The following RTN4RL1 variants were observed in gnomAD, a reference collection of about 807,000 sequenced individuals.
RTN4RL1 encodes reticulon 4 receptor like 1.
A neutral mutation model predicts 25.6 loss-of-function variants in RTN4RL1; 7 were observed. The ratio of observed to expected loss-of-function variants is 0.27; its 90% confidence interval spans 0.16 to 0.51. RTN4RL1 has a LOEUF of 0.51. Among genes scored for constraint, RTN4RL1 ranks in the 20% least tolerant of loss-of-function variants. The pLI, the probability that RTN4RL1 is intolerant of heterozygous loss-of-function variation, is 0.97. For missense variants in RTN4RL1, 500 were observed against 615.6 expected, an observed-to-expected ratio of 0.81 and a Z score of 1.99; for synonymous variants, 297 against 288.2, an observed-to-expected ratio of 1.03 and a Z score of -0.31.
chr17:1,983,707 T>C (rs767005226), intron 1 of RTN4RL1, among the ~76,000 whole-genome samples: 1 of 150,150 alleles, frequency 6.7e-6, no homozygotes, highest in Non-Finnish European at 1.5e-5. Flanking sequence ...CTGGCTAACA[T>C]TTTCTATTTT....
chr17:1,937,447 C>T lies in RTN4RL1; in HGVS notation c.375G>A (p.Val125=). 6.2e-7 allele frequency: 1 copy of T among 1,613,930 alleles called. No homozygotes were observed. The highest frequency in any genetic ancestry group is 1.3e-5 in the African/African-American group (1 of 75,048). The change falls in exon 2 of 2, where the codon GTG becomes GTA. Residue 125 remains valine, a synonymous_variant. Coordinates refer to ENST00000331238, the MANE Select transcript of RTN4RL1 (RefSeq NM_178568.4). ...TLAPETFQGL[V]KLHALYLYKC... ...TGTAGAGGTAGAGGGCGTGAAGCTT[C>T]ACCAGGCCCTGGAAGGTCTCGGGTG... is the stretch of plus-strand genomic sequence containing the variant.
chr17:1,992,565 G>C (rs2066914150), intron 1 of RTN4RL1, among the ~76,000 whole-genome samples: 1 of 152,142 alleles, frequency 6.6e-6, no homozygotes, highest in South Asian at 2.1e-4. Context: ...GACCTATTGT[G>C]GGTATTATTA....
chr17:1,986,860 T>C (rs1386172185), intron 1 of RTN4RL1, among the ~76,000 whole-genome samples: 1 of 151,904 alleles, frequency 6.6e-6, no homozygotes, highest in East Asian at 1.9e-4. Context: ...GCCCACCACA[T>C]GACACAATGC....
chr17:1,991,968 C>T (rs1038859646), intron 1 of RTN4RL1, among the ~76,000 whole-genome samples: 5 of 152,104 alleles, frequency 3.3e-5, no homozygotes, highest in South Asian at 2.1e-4. Flanking sequence ...AGAGGAGAGA[C>T]GTGTACTGAG....
At chr17:2,013,105 A>G (rs1019103675) in intron 1 of RTN4RL1, among the ~76,000 whole-genome samples, 3 of 151,962 alleles carry the variant, frequency 2.0e-5, no homozygotes, top group African/African-American at 7.3e-5. Context: ...GCTATGTTCT[A>G]TTTTGTGCAG....
intron 1 of RTN4RL1, chr17:1,995,524 T>C (rs2066925662): frequency 6.6e-6 from 1 of 151,226 alleles, no homozygotes; most frequent in African/African-American, 2.4e-5. Flanking sequence ...CTTTGCTCAC[T>C]CTCCTCGTCC....
intron 1 of RTN4RL1, among the ~76,000 whole-genome samples, chr17:1,938,668 A>G (rs116211376): frequency 0.033 from 4,970 of 152,138 alleles, 295 homozygotes; most frequent in African/African-American, 0.11. Flanking sequence ...GTTCACCTCA[A>G]ATAATGTCTC....
chr17:2,005,837 C>T (rs1251869701), intron 1 of RTN4RL1, among the ~76,000 whole-genome samples: 1 of 150,654 alleles, frequency 6.6e-6, no homozygotes, highest in African/African-American at 2.4e-5. Flanking sequence ...CGCCGTGTCG[C>T]CCAGGCTGGA....
intron 1 of RTN4RL1, among the ~76,000 whole-genome samples, chr17:1,973,517 CAAA>C (rs34258472): frequency 1.5e-5 from 2 of 134,998 alleles, no homozygotes. Context: ...GACTCCATGT[CAAA>C]AAAAAAAAAA....
In RTN4RL1 at chr17:2,025,140, G is replaced by T. The variant is rs1464054233; in HGVS notation, c.-275C>A. 4 of 319,184 alleles carry T rather than the reference G, an allele frequency of 1.3e-5. No homozygotes were observed. The highest frequency in any genetic ancestry group is 5.0e-5 in the Admixed American group (1 of 20,082). The allele number at this position is 319,184 out of a possible 1,614,324, so 19.8% of individuals were successfully genotyped here. A position where few individuals can be genotyped will look rare whatever the true frequency, so the allele number is the denominator to read the frequency against. ...GCGAGCGGCTTGCTCCGCGGAGCCG[G>T]CGGCCTGCTTCTGCCACCCGGAGCA... On this transcript the variant is annotated 5_prime_UTR_variant, in exon 1 of 2. Transcript: ENST00000331238. The surrounding 1 kb of genome is among the most constrained non-coding windows in gnomAD (Gnocchi z 4.8).
chr17:1,986,821 C>T (rs1267095142), intron 1 of RTN4RL1, among the ~76,000 whole-genome samples: 2 of 152,052 alleles, frequency 1.3e-5, no homozygotes, highest in Admixed American at 6.6e-5. Context: ...CAGACTCAGG[C>T]CCTGCCCCCC....
rs1487667093 is a variant in RTN4RL1, at chr17:1,934,713, T to TC, written c.*1782dup. Reference sequence around the variant, plus strand: ...GATCATTTATTGTTATTATTATTTTTCTCTCTTAATTGGATTCAGCGTTTC... The same window carrying TC: ...GATCATTTATTGTTATTATTATTTTTCCTCTCTTAATTGGATTCAGCGTTTC... On this transcript the variant is annotated 3_prime_UTR_variant, in exon 2 of 2. Coordinates refer to ENST00000331238, the MANE Select transcript of RTN4RL1 (RefSeq NM_178568.4). The surrounding 1 kb of genome is among the most constrained non-coding windows in gnomAD (Gnocchi z 4.0). The TC allele has an allele frequency of 6.6e-6, 1 of 152,624 alleles. No individual in the cohort carries two copies. Among genetic ancestry groups the TC allele is most frequent in the Non-Finnish European group, 1.5e-5 (1 of 68,054 alleles). 9.5% of individuals were successfully genotyped at this position (152,624 alleles called of 1,614,324 possible). A position where few individuals can be genotyped will look rare whatever the true frequency, so the allele number is the denominator to read the frequency against.
chr17:1,942,751 G>A (rs1318820975), intron 1 of RTN4RL1, among the ~76,000 whole-genome samples: 2 of 152,126 alleles, frequency 1.3e-5, no homozygotes, highest in Non-Finnish European at 2.9e-5. Context: ...AGCACGGGAA[G>A]CCACCCTACC....
In RTN4RL1 at chr17:1,998,296, G is replaced by A. The variant is rs1016321028; in HGVS notation, c.13+26557C>T. Among the ~76,000 whole-genome samples, 3 of 152,180 alleles carry A rather than the reference G, an allele frequency of 2.0e-5. No homozygotes were observed. Among genetic ancestry groups the A allele is most frequent in the African/African-American group, 7.2e-5 (3 of 41,458 alleles). On this transcript the variant is annotated intron_variant, in intron 1 of 1. Transcript: ENST00000331238. The surrounding 1 kb of genome is among the most constrained non-coding windows in gnomAD (Gnocchi z 4.9). ...GGCGCCCCAAGGCCTCCCGCAGGCCGACCCGAGCCGAGCGCGCCCTTTGGG... is the reference window on the plus strand; with the variant it reads ...GGCGCCCCAAGGCCTCCCGCAGGCCAACCCGAGCCGAGCGCGCCCTTTGGG...
At chr17:1,945,325 C>A (rs562509361) in intron 1 of RTN4RL1, among the ~76,000 whole-genome samples, 1 of 152,122 alleles carries the variant, frequency 6.6e-6, no homozygotes, top group Non-Finnish European at 1.5e-5. Context: ...CGGGTTCAAG[C>A]GATTCTCTCG....
intron 1 of RTN4RL1, among the ~76,000 whole-genome samples, chr17:2,000,589 G>A (rs1178346879): frequency 2.6e-5 from 4 of 152,032 alleles, no homozygotes; most frequent in Non-Finnish European, 4.4e-5. Context: ...GCAATGGTGC[G>A]ATCTCGGCTC....
intron 1 of RTN4RL1, among the ~76,000 whole-genome samples, chr17:1,989,191 G>C (rs1457899367): frequency 6.6e-6 from 1 of 152,138 alleles, no homozygotes; most frequent in Admixed American, 6.6e-5. Context: ...GAGAGGAGGG[G>C]ATGGAGGTAA....
At chr17:2,014,794 T>C (rs1345851170) in intron 1 of RTN4RL1, among the ~76,000 whole-genome samples, 1 of 150,270 alleles carries the variant, frequency 6.7e-6, no homozygotes, top group Non-Finnish European at 1.5e-5. Flanking sequence ...ATTGCGCCAC[T>C]GCACTCCAGC....
intron 1 of RTN4RL1, among the ~76,000 whole-genome samples, chr17:1,981,086 T>G (rs2066865384): frequency 6.6e-6 from 1 of 152,006 alleles, no homozygotes. Flanking sequence ...GGAGTCACAG[T>G]GCAAGAGGCC....
Sources: allele counts gnomAD v4.1 joint callset (sites outside exome capture counted in the v4.1 genomes callset), GRCh38; gene constraint gnomAD v4.1.1; non-coding constraint Gnocchi (gnomAD v3.1); transcripts MANE v1.5; gene names NCBI Gene and HGNC (gene_info 2026-07-23, HGNC 2026-07-21).